SYT16: variants seen among roughly 807,000 people sequenced by gnomAD.
The protein encoded by SYT16 is synaptotagmin 16.
In SYT16, 42 loss-of-function variants were observed where a neutral mutation model predicts 61.4. The ratio of observed to expected loss-of-function variants is 0.68; its 90% CI spans 0.53 to 0.89. The LOEUF (loss-of-function observed/expected upper bound fraction) is 0.89, where lower values mean the gene tolerates loss of function less well. SYT16 is among the 40% of genes least tolerant of loss of function. SYT16 has a pLI of 0.00. For synonymous variants in SYT16, 314 were observed against 302.3 expected, an observed-to-expected ratio of 1.04 and a Z score of -0.40; for missense variants, 804 against 807.3, an observed-to-expected ratio of 1.00 and a Z score of 0.05.
At chr14:62,007,971 C>CT (rs376412549) in intron 3 of SYT16, among the ~76,000 whole-genome samples, 10 of 151,952 alleles carry the variant, frequency 6.6e-5, no homozygotes, top group African/African-American at 2.2e-4. Context: ...GGAGGGATAT[C>CT]TTTTTTTCAA....
chr14:61,979,810 A>G lies in SYT16; in HGVS notation c.-145+9499A>G, dbSNP rs563623193. Among the ~76,000 whole-genome samples, 203 of 152,242 alleles carry G rather than the reference A, an allele frequency of 1.3e-3. 2 individuals are homozygous for G. In the Middle Eastern group the frequency reaches 0.02, roughly 15 times the overall value. ...GGCCGGAGAATCACTTGAACCCGGG[A>G]GGGAGAGGTTGCAGTGAGTCGAGAT... On this transcript the variant is annotated intron_variant, in intron 2 of 7. Transcript: ENST00000683842.
chr14:61,852,557 A>C (rs2046648702), intron 1 of SYT16, among the ~76,000 whole-genome samples: 1 of 152,162 alleles, frequency 6.6e-6, no homozygotes, highest in South Asian at 2.1e-4. Context: ...AGAGCATGGA[A>C]TGTTTCTCTA....
intron 1 of SYT16, among the ~76,000 whole-genome samples, chr14:61,815,454 G>A (rs932761652): frequency 6.6e-5 from 10 of 152,082 alleles, no homozygotes; most frequent in East Asian, 1.9e-4. Flanking sequence ...AAAACCAGGC[G>A]AAATCCAAGT....
In SYT16 at chr14:62,102,772, C is replaced by T. The variant is rs1212225426; in HGVS notation, c.*2065C>T. 2 of 152,154 alleles carry T rather than the reference C, an allele frequency of 1.3e-5. No individual in the cohort carries two copies. Among genetic ancestry groups the T allele is most frequent in the South Asian group, 2.1e-4 (1 of 4,828 alleles). 9.4% of individuals were successfully genotyped at this position (152,154 alleles called of 1,614,324 possible). Reference sequence around the variant, plus strand: ...TACAGACAGCCCTGAATTTTTCCCTCTCATATTTTCCTGCTGCTGCATCCT... The same window carrying T: ...TACAGACAGCCCTGAATTTTTCCCTTTCATATTTTCCTGCTGCTGCATCCT... On this transcript the variant is annotated 3_prime_UTR_variant, in exon 8 of 8. Transcript: ENST00000683842.
chr14:61,883,563 A>C (rs1251963487), intron 1 of SYT16, among the ~76,000 whole-genome samples: 2 of 152,188 alleles, frequency 1.3e-5, no homozygotes, highest in Non-Finnish European at 2.9e-5. Flanking sequence ...AAAGCCATTC[A>C]ACAAGTCTCT....
intron 1 of SYT16, among the ~76,000 whole-genome samples, chr14:61,938,058 C>CACACACACACAG (rs1300155022): frequency 2.0e-5 from 3 of 151,074 alleles, no homozygotes; most frequent in African/African-American, 7.3e-5. Context: ...CACACACACA[C>CACACACACACAG]AGAGTGTTTC....
intron 3 of SYT16, among the ~76,000 whole-genome samples, chr14:62,019,319 G>GT (rs998769402): frequency 2.6e-5 from 4 of 152,136 alleles, no homozygotes; most frequent in African/African-American, 4.8e-5. Context: ...TATTTGATAT[G>GT]TTTTTTTCAT....
Position 61,932,707 on chromosome 14 carries a change from A to G in SYT16, c.-324-37425A>G, listed in dbSNP as rs2049823507. ...ATCAGAGTCTGAAAGGAGACTTGAC[A>G]TGGGGCACACAGATAGATCTTCTCT... On this transcript the variant is annotated intron_variant, in intron 1 of 7. Transcript: ENST00000683842. Among the ~76,000 whole-genome samples the G allele has an allele frequency of 2.0e-5, 3 of 152,294 alleles. No individual in the cohort carries two copies. The South Asian group carries it at 6.2e-4, about 32-fold the overall frequency.
At chr14:61,925,682 G>A (rs889963125) in intron 1 of SYT16, among the ~76,000 whole-genome samples, 2 of 152,036 alleles carry the variant, frequency 1.3e-5, no homozygotes, top group African/African-American at 2.4e-5. Flanking sequence ...CATCTTTCAC[G>A]TTTTGGCCTT....
chr14:61,974,457 ACT>A (rs1319520467), intron 2 of SYT16, among the ~76,000 whole-genome samples: 1 of 152,184 alleles, frequency 6.6e-6, no homozygotes, highest in Non-Finnish European at 1.5e-5. Context: ...TTCATTTTGC[ACT>A]GAGTCTTGCA....
In SYT16 at chr14:61,833,480, C is replaced by T. The variant is rs577582027; in HGVS notation, c.-325+20670C>T. On this transcript the variant is annotated intron_variant, in intron 1 of 7. Coordinates refer to ENST00000683842, the MANE Select transcript of SYT16 (RefSeq NM_001367656.1). ...TCTAATTTTGTATTTTTAGTAGAGA[C>T]GGGGTTTCTCCATGTTGGTCAGGCT... 8.4e-4 allele frequency among the ~76,000 whole-genome samples: 128 copies of T among 151,594 alleles called. 4 individuals carry two copies. The South Asian group carries it at 0.023, about 28-fold the overall frequency.
chr14:62,035,082 G>T (rs908579498), intron 3 of SYT16, among the ~76,000 whole-genome samples: 1 of 152,092 alleles, frequency 6.6e-6, no homozygotes, highest in Non-Finnish European at 1.5e-5. Context: ...TGTTTTTCTG[G>T]TGCATTGGAA....
At chr14:61,981,497 C>A (rs1490311958) in intron 2 of SYT16, among the ~76,000 whole-genome samples, 1 of 152,088 alleles carries the variant, frequency 6.6e-6, no homozygotes, top group Non-Finnish European at 1.5e-5. Context: ...ATATAATGAA[C>A]CCCATATATC....
At chr14:62,059,197 C>T (rs1364206769) in intron 3 of SYT16, among the ~76,000 whole-genome samples, 1 of 152,076 alleles carries the variant, frequency 6.6e-6, no homozygotes, top group Non-Finnish European at 1.5e-5. Flanking sequence ...ATGTAACAAA[C>T]CTGCACACGT....
chr14:61,869,417 T>G lies in SYT16; in HGVS notation c.-325+56607T>G, dbSNP rs141381617. On this transcript the variant is annotated intron_variant, in intron 1 of 7. Transcript: ENST00000683842. ...GTTTTTTTGGCTTATTAGCTCTATC[T>G]TTTTTGTTGTTTAATGGTTGCTCTA... 5.7e-3 allele frequency among the ~76,000 whole-genome samples: 865 copies of G among 152,282 alleles called. 14 individuals carry two copies. The highest frequency in any genetic ancestry group is 0.02 in the African/African-American group (814 of 41,568).
intron 1 of SYT16, among the ~76,000 whole-genome samples, chr14:61,882,137 C>T (rs1380697620): frequency 6.6e-6 from 1 of 152,152 alleles, no homozygotes; most frequent in Non-Finnish European, 1.5e-5. Context: ...TTTAAAAATA[C>T]AGGTCTAATT....
In SYT16 at chr14:62,084,203, G is replaced by A. The variant is rs1348776645; in HGVS notation, c.1442G>A (p.Gly481Glu). The A allele has an allele frequency of 1.2e-6, 2 of 1,613,406 alleles. No individual in the cohort carries two copies. The highest frequency in any genetic ancestry group is 1.7e-5 in the Admixed American group (1 of 59,936). Residue 481 changes from glycine (G) to glutamate (E), a missense_variant, in exon 7 of 8, where the codon GGG becomes GAG. Physicochemically the swap from Gly to Glu is moderately conservative, Grantham distance 98. Coordinates refer to ENST00000683842, the MANE Select transcript of SYT16 (RefSeq NM_001367656.1). Reference sequence around the variant, plus strand: ...GTTGTTCTTCCCCTCCAGAGTGGAGGGTCTCCGCTCAGCCCATCTGCGGTT... The same window carrying A: ...GTTGTTCTTCCCCTCCAGAGTGGAGAGTCTCCGCTCAGCCCATCTGCGGTT... ...LEPRSNISSG[G>E]SPLSPSAVSH...
At chr14:61,980,267 A>G (rs543438600) in intron 2 of SYT16, among the ~76,000 whole-genome samples, 1 of 152,310 alleles carries the variant, frequency 6.6e-6, no homozygotes, top group East Asian at 1.9e-4. Flanking sequence ...GTTACATTAT[A>G]TTGCACTATG....
At chr14:62,069,564 A>G in intron 3 of SYT16, 39 bp from the exon 4 acceptor site, 1 of 1,582,158 alleles carries the variant, frequency 6.3e-7, no homozygotes, top group Middle Eastern at 1.7e-4. Context: ...TCGAGCATAT[A>G]GGCCACACAG....
Sources: allele counts gnomAD v4.1 joint callset (sites outside exome capture counted in the v4.1 genomes callset), GRCh38; gene constraint gnomAD v4.1.1; transcripts MANE v1.5; gene names NCBI Gene and HGNC (gene_info 2026-07-23, HGNC 2026-07-21).